The following FNDC3A variants were observed in gnomAD, a reference collection of about 807,000 sequenced individuals.
FNDC3A encodes the protein fibronectin type-III domain-containing protein 3A.
Under a neutral mutation model 148.9 loss-of-function variants are expected in FNDC3A, and 32 were observed. That is an observed-to-expected ratio of 0.21 (90% CI 0.16 to 0.29). FNDC3A has a LOEUF of 0.29. Ranked by LOEUF, FNDC3A falls within the 10% of genes least tolerant of loss-of-function variation. The probability of loss-of-function intolerance (pLI) is 1.00; values close to 1 mark genes in which losing one functional copy is unlikely to be tolerated. For missense variants in FNDC3A, 1,191 were observed against 1,452.8 expected (o/e 0.82, Z 2.93); for synonymous variants, 472 against 473.6 (o/e 1.00, Z 0.04).
At chr13:49,128,029 G>T (rs566063624) in intron 4 of FNDC3A, among the ~76,000 whole-genome samples, 9 of 151,952 alleles carry the variant, frequency 5.9e-5, no homozygotes, top group Non-Finnish European at 1.0e-4. Context: ...CTACAGGTGC[G>T]TGCCACCATG....
chr13:49,013,602 A>G (rs1032357313), intron 2 of FNDC3A, among the ~76,000 whole-genome samples: 9 of 151,748 alleles, frequency 5.9e-5, no homozygotes, highest in Admixed American at 5.9e-4. Flanking sequence ...ATAGATGTAC[A>G]CGTGTATACA....
intron 6 of FNDC3A, 117 bp downstream of exon 6, chr13:49,136,718 C>A: frequency 2.0e-6 from 2 of 980,666 alleles, no homozygotes; most frequent in Non-Finnish European, 3.0e-6. Context: ...CTGTTACAGG[C>A]TGCTGCTTTC....
chr13:49,114,387 A>G (rs1880782866), intron 3 of FNDC3A, among the ~76,000 whole-genome samples: 1 of 150,416 alleles, frequency 6.6e-6, no homozygotes, highest in Admixed American at 6.7e-5. Context: ...GCCTGTTAAT[A>G]TGTTTTAAAA....
At chr13:49,133,867 A>G (rs904436147) in intron 5 of FNDC3A, among the ~76,000 whole-genome samples, 2 of 152,160 alleles carry the variant, frequency 1.3e-5, no homozygotes, top group Non-Finnish European at 2.9e-5. Flanking sequence ...TCTTTCTACT[A>G]TAATATATTC....
chr13:49,025,215 G>C (rs1474409368), intron 2 of FNDC3A, among the ~76,000 whole-genome samples: 1 of 151,766 alleles, frequency 6.6e-6, no homozygotes, highest in Non-Finnish European at 1.5e-5. Flanking sequence ...TTTAGCACAT[G>C]AGTGTGCCTG....
At chr13:49,125,007 A>G (rs1312698178) in intron 4 of FNDC3A, among the ~76,000 whole-genome samples, 1 of 152,126 alleles carries the variant, frequency 6.6e-6, no homozygotes, top group African/African-American at 2.4e-5. Context: ...CTGTTTTTTT[A>G]TAGAATGTGG....
intron 3 of FNDC3A, among the ~76,000 whole-genome samples, chr13:49,088,887 A>G (rs539755109): frequency 6.6e-6 from 1 of 152,286 alleles, no homozygotes; most frequent in South Asian, 2.1e-4. Context: ...TGTGTATTAA[A>G]ATTTAATTTC....
intron 4 of FNDC3A, among the ~76,000 whole-genome samples, chr13:49,118,554 C>G (rs191143760): frequency 1.1e-4 from 16 of 152,342 alleles, no homozygotes; most frequent in Admixed American, 5.2e-4. Flanking sequence ...GCCAAGTGGT[C>G]TAGCTCAGCG....
At chr13:49,167,917 AT>A (rs2138044825) in intron 9 of FNDC3A, among the ~76,000 whole-genome samples, 1 of 152,304 alleles carries the variant, frequency 6.6e-6, no homozygotes, top group East Asian at 1.9e-4. Flanking sequence ...TTATAAAATA[AT>A]TATAAATATT....
intron 2 of FNDC3A, among the ~76,000 whole-genome samples, chr13:49,070,124 A>T (rs1213384553): frequency 1.3e-5 from 2 of 152,042 alleles, no homozygotes; most frequent in Non-Finnish European, 2.9e-5. Context: ...TTTTTTTAAA[A>T]TTTATTTTTA....
chr13:49,115,377 A>G (rs904684019), intron 4 of FNDC3A, among the ~76,000 whole-genome samples: 13 of 152,188 alleles, frequency 8.5e-5, no homozygotes, highest in Admixed American at 6.5e-5. Context: ...CTTTGCCTCA[A>G]TCTATTTTGG....
chr13:49,156,580 T>C (rs2138004897), intron 8 of FNDC3A, among the ~76,000 whole-genome samples: 1 of 150,520 alleles, frequency 6.6e-6, no homozygotes, highest in Non-Finnish European at 1.5e-5. Context: ...TAGCTGGTGA[T>C]TTTGCTCGTT....
rs573776616 is a variant in FNDC3A at position 48,976,449 on chromosome 13, G to C, written c.-40+272G>C. Among the ~76,000 whole-genome samples the C allele has an allele frequency of 2.0e-4, 30 of 152,340 alleles. No individual in the cohort carries two copies. The East Asian group carries it at 3.9e-3, about 20-fold the overall frequency. ...AGCCTAGCCAGGACACGCTTGCGGGGGCGCGGCCGGGGGCGCCATCCAGCC... is the reference window on the plus strand; with the variant it reads ...AGCCTAGCCAGGACACGCTTGCGGGCGCGCGGCCGGGGGCGCCATCCAGCC... On this transcript the variant is annotated intron_variant, in intron 1 of 25. Coordinates refer to ENST00000492622, the MANE Select transcript of FNDC3A (RefSeq NM_001079673.2).
intron 2 of FNDC3A, chr13:49,046,305 A>G: frequency 6.1e-6 from 1 of 164,598 alleles, no homozygotes. Flanking sequence ...TTAGGGAAAT[A>G]TAAGGCAGCT....
At position 49,136,561 on chromosome 13, in the gene FNDC3A, G is replaced by A. The variant is rs1464998099; in HGVS notation, c.720G>A (p.Gly240=). 1.2e-6 allele frequency: 2 copies of A among 1,614,030 alleles called. No individual in the cohort carries two copies. Among genetic ancestry groups the A allele is most frequent in the East Asian group, 4.5e-5 (2 of 44,860 alleles). Residue 240 remains glycine, a synonymous_variant, in exon 6 of 26, where the codon GGG becomes GGA. Coordinates refer to ENST00000492622, the MANE Select transcript of FNDC3A (RefSeq NM_001079673.2). ...CAGGATCAGCAAAAATCAAGTCTGG[G>A]AAGGGGAAAGGTGGTACACAAGTTG... ...INTGSAKIKS[G]KGKGGTQVDT...
intron 2 of FNDC3A, among the ~76,000 whole-genome samples, chr13:49,019,592 C>T (rs541182199): frequency 7.2e-5 from 11 of 152,318 alleles, no homozygotes; most frequent in South Asian, 4.1e-4. Flanking sequence ...AGCTGTAGAC[C>T]GGAGCTGTTC....
At chr13:48,984,023 C>G (rs1951744696) in intron 1 of FNDC3A, among the ~76,000 whole-genome samples, 1 of 152,120 alleles carries the variant, frequency 6.6e-6, no homozygotes, top group Non-Finnish European at 1.5e-5. Flanking sequence ...TAAAAAATTT[C>G]AGTAAGCTGA....
intron 3 of FNDC3A, among the ~76,000 whole-genome samples, chr13:49,092,431 T>C (rs1272509096): frequency 6.6e-6 from 1 of 152,196 alleles, no homozygotes; most frequent in East Asian, 1.9e-4. Flanking sequence ...TTTTCTGCCT[T>C]CTTATCTTCT....
chr13:49,133,177 A>G (rs1355183968), intron 5 of FNDC3A, among the ~76,000 whole-genome samples: 1 of 152,148 alleles, frequency 6.6e-6, no homozygotes, highest in Non-Finnish European at 1.5e-5. Flanking sequence ...CATTTCTAAC[A>G]AGCCCCTAGG....
Sources: gnomAD v4.1 joint callset for allele counts (sites outside exome capture counted in the v4.1 genomes callset) on GRCh38, gnomAD v4.1.1 for gene constraint, MANE v1.5 for transcripts, NCBI Gene and HGNC (gene_info 2026-07-23, HGNC 2026-07-21) for gene names.